GANC: variants seen among roughly 807,000 people sequenced by gnomAD.
GANC encodes the protein neutral alpha-glucosidase C.
A neutral mutation model predicts 124.2 loss-of-function variants in GANC; 117 were observed. The observed-to-expected ratio is 0.94, with a 90% CI of 0.81 to 1.10. The LOEUF is 1.10. Among genes scored for constraint, GANC ranks in the 50% least tolerant of loss-of-function variants. The pLI, the probability that GANC is intolerant of heterozygous loss-of-function variation, is 0.00. For synonymous variants in GANC, 377 were observed against 376.8 expected (o/e 1.00, Z -0.01); for missense variants, 1,140 against 1,095.0 (o/e 1.04, Z -0.58).
intron 9 of GANC, 48 bp from the exon 10 acceptor site, chr15:42,310,645 G>A: frequency 1.3e-6 from 2 of 1,587,350 alleles, no homozygotes; most frequent in Non-Finnish European, 1.7e-6. Context: ...GCTGGATGTT[G>A]CAGGTTAGAG....
At position 42,289,153 on chromosome 15, in the gene GANC, C is replaced by T. The variant is rs773409148; in HGVS notation, c.329+1335C>T. Among the ~76,000 whole-genome samples the T allele has an allele frequency of 2.6e-5, 4 of 152,208 alleles. No homozygotes were observed. The South Asian group carries it at 6.2e-4, about 24-fold the overall frequency. ...GCTAAAAACTACGTTTCTTCATTTC[C>T]CAGACTCCCTTGTAGCTACAGGTTC... On this transcript the variant is annotated intron_variant, in intron 4 of 23. Transcript: ENST00000318010.
At chr15:42,340,378 G>C (rs969603902) in intron 17 of GANC, among the ~76,000 whole-genome samples, 21 of 152,078 alleles carry the variant, frequency 1.4e-4, no homozygotes, top group Admixed American at 1.4e-3. Flanking sequence ...CCAGCACTTT[G>C]GGAGGATCAT....
chr15:42,347,643 A>G (rs1194402096), intron 20 of GANC, among the ~76,000 whole-genome samples: 3 of 152,204 alleles, frequency 2.0e-5, no homozygotes, highest in Non-Finnish European at 4.4e-5. Context: ...GTCCAAACCA[A>G]GAAACCACCA....
intron 11 of GANC, among the ~76,000 whole-genome samples, chr15:42,323,107 A>G (rs12903690): frequency 0.15 from 23,546 of 152,214 alleles, 2,534 homozygotes; most frequent in Non-Finnish European, 0.23. Flanking sequence ...TGACAAAACT[A>G]TAAGGTAGGT....
chr15:42,285,345 T>A (rs1258574941), intron 3 of GANC, among the ~76,000 whole-genome samples: 1 of 152,170 alleles, frequency 6.6e-6, no homozygotes, highest in Non-Finnish European at 1.5e-5. Flanking sequence ...CCCCACTGTC[T>A]TTAACCCAAG....
At chr15:42,308,112 C>G (rs769285909) in intron 7 of GANC, 110 bp from the exon 8 acceptor site, 4 of 615,636 alleles carry the variant, frequency 6.5e-6, no homozygotes, top group Non-Finnish European at 1.2e-5. Flanking sequence ...CTAGGTGAGC[C>G]CAGGTCTCTC....
chr15:42,338,975 T>A (rs1362373107), intron 16 of GANC, among the ~76,000 whole-genome samples: 1 of 152,202 alleles, frequency 6.6e-6, no homozygotes, highest in Admixed American at 6.5e-5. Context: ...GATTTTCCAA[T>A]GGACTATCTT....
intron 6 of GANC, among the ~76,000 whole-genome samples, chr15:42,301,674 G>A (rs1260057680): frequency 2.6e-5 from 4 of 152,142 alleles, no homozygotes; most frequent in South Asian, 4.1e-4. Flanking sequence ...GGGACGAGGG[G>A]CATCCGCCAT....
chr15:42,315,025 A>G (rs890521921), intron 10 of GANC, among the ~76,000 whole-genome samples: 2 of 152,172 alleles, frequency 1.3e-5, no homozygotes, highest in Non-Finnish European at 2.9e-5. Context: ...TTAGGTAATC[A>G]ACTTGGATAA....
Position 42,273,508 on chromosome 15 carries a change from C to T in GANC, c.-974C>T, listed in dbSNP as rs896888231. ...GATTATCCGGGTCCTGGAAACGTCG[C>T]GGAGCTTGTTTGCTGTGCGGCGTAG... On this transcript the variant is annotated 5_prime_UTR_variant, in exon 1 of 24. Coordinates refer to ENST00000318010, the MANE Select transcript of GANC (RefSeq NM_198141.3). 3 of 1,520,128 alleles carry T rather than the reference C, an allele frequency of 2.0e-6. No individual in the cohort carries two copies. Among genetic ancestry groups the T allele is most frequent in the African/African-American group, 1.4e-5 (1 of 73,024 alleles). 94.2% of individuals were successfully genotyped at this position (1,520,128 alleles called of 1,614,324 possible). A position where few individuals can be genotyped will look rare whatever the true frequency, so the allele number is the denominator to read the frequency against.
chr15:42,333,018 C>CAAAA (rs200041462), intron 15 of GANC, among the ~76,000 whole-genome samples: 31 of 76,522 alleles, frequency 4.1e-4, no homozygotes, highest in South Asian at 2.5e-3. Flanking sequence ...AACTCTGTCT[C>CAAAA]AAAAAATATA....
intron 10 of GANC, chr15:42,314,281 C>T: frequency 3.2e-6 from 2 of 634,726 alleles, no homozygotes; most frequent in Non-Finnish European, 5.6e-6. Flanking sequence ...GGAAAGGGGG[C>T]ATTTTCTCAG....
intron 22 of GANC, among the ~76,000 whole-genome samples, chr15:42,350,188 G>A (rs991638783): frequency 2.6e-5 from 4 of 151,366 alleles, no homozygotes; most frequent in African/African-American, 7.3e-5. Context: ...GCGCCACCAC[G>A]CCTGGCTAAT....
chr15:42,288,245 TA>T, intron 4 of GANC, among the ~76,000 whole-genome samples: 1 of 152,304 alleles, frequency 6.6e-6, no homozygotes, highest in East Asian at 1.9e-4. Context: ...CAGTAATTTA[TA>T]CTATTGGACG....
rs918294317 is a variant in GANC, at chr15:42,352,506, C to T, written c.*367C>T. On this transcript the variant is annotated 3_prime_UTR_variant, in exon 24 of 24. Transcript: ENST00000318010. ...CCCATTTGCCAGGGCTTGCCTCAGGCCATGCAGCATTGGCGCTCTGGCTGC... is the reference window on the plus strand; with the variant it reads ...CCCATTTGCCAGGGCTTGCCTCAGGTCATGCAGCATTGGCGCTCTGGCTGC... The T allele has an allele frequency of 4.1e-5, 43 of 1,051,488 alleles. No homozygotes were observed. Among genetic ancestry groups the T allele is most frequent in the Non-Finnish European group, 4.7e-5 (41 of 868,660 alleles). 65.1% of individuals were successfully genotyped at this position (1,051,488 alleles called of 1,614,324 possible). A position where few individuals can be genotyped will look rare whatever the true frequency, so the allele number is the denominator to read the frequency against.
chr15:42,285,073 T>C (rs1162182669), intron 3 of GANC, among the ~76,000 whole-genome samples: 1 of 152,244 alleles, frequency 6.6e-6, no homozygotes, highest in Non-Finnish European at 1.5e-5. Context: ...ATTATTTTAT[T>C]TATAAATATC....
rs1253928394 is a variant in GANC, at chr15:42,351,855, T to C, written c.2636-175T>C. 1.5e-4 allele frequency among the ~76,000 whole-genome samples: 23 copies of C among 152,220 alleles called. 1 individual carries two copies. Among genetic ancestry groups the C allele is most frequent in the Admixed American group, 1.5e-3 (23 of 15,284 alleles). On this transcript the variant is annotated intron_variant, in intron 23 of 23. Transcript: ENST00000318010. Reference sequence around the variant, plus strand: ...TCAACCAATCTTGCGGTCAAAACAATGAAGTTTTCCACGTTTCTAAAACTT... The same window carrying C: ...TCAACCAATCTTGCGGTCAAAACAACGAAGTTTTCCACGTTTCTAAAACTT...
chr15:42,290,381 A>T (rs1392127317), intron 4 of GANC, among the ~76,000 whole-genome samples: 2 of 152,216 alleles, frequency 1.3e-5, no homozygotes, highest in Non-Finnish European at 2.9e-5. Context: ...TGACAATCCT[A>T]AAAGTCCTCA....
chr15:42,308,271 T>C lies in GANC; in HGVS notation c.675T>C (p.Leu225=). The part of the protein sequence containing the change: ...LDFSLHGFEH[L]YGIPQHAESH... ...TCTCCTTGCATGGATTTGAGCATCT[T>C]TATGGGATCCCACAACATGCAGAAT... Residue 225 remains leucine (L), a synonymous_variant, in exon 8 of 24, where the codon CTT becomes CTC. Coordinates refer to ENST00000318010, the MANE Select transcript of GANC (RefSeq NM_198141.3). The C allele has an allele frequency of 6.2e-7, 1 of 1,610,736 alleles. No homozygotes were observed. Among genetic ancestry groups the C allele is most frequent in the Non-Finnish European group, 8.5e-7 (1 of 1,177,420 alleles).
Sources: gnomAD v4.1 joint callset for allele counts (sites outside exome capture counted in the v4.1 genomes callset) on GRCh38, gnomAD v4.1.1 for gene constraint, MANE v1.5 for transcripts, NCBI Gene and HGNC (gene_info 2026-07-23, HGNC 2026-07-21) for gene names.